CA10: variants seen among roughly 807,000 people sequenced by gnomAD.
CA10 encodes carbonic anhydrase-related protein 10.
A neutral mutation model predicts 44.2 loss-of-function variants in CA10; 14 were observed. That is an observed-to-expected ratio of 0.32 (90% CI 0.21 to 0.50). CA10 has a LOEUF of 0.50. CA10 is among the 20% of genes least tolerant of loss of function. CA10 has a pLI of 0.99. For synonymous variants in CA10, 159 were observed against 141.6 expected (o/e 1.12, Z -0.87); for missense variants, 350 against 409.7 (o/e 0.85, Z 1.26).
At chr17:51,754,799 T>G (rs979328853) in intron 3 of CA10, among the ~76,000 whole-genome samples, 4 of 152,172 alleles carry the variant, frequency 2.6e-5, no homozygotes, top group Admixed American at 6.5e-5. Context: ...CCACTACACT[T>G]ATTTTCAAAT....
intron 6 of CA10, among the ~76,000 whole-genome samples, chr17:51,644,662 C>T (rs1010552978): frequency 6.6e-6 from 1 of 152,130 alleles, no homozygotes; most frequent in African/African-American, 2.4e-5. Flanking sequence ...GCTTCATCCA[C>T]AGTCTCCCCA....
chr17:51,778,527 G>A (rs1412638832), intron 3 of CA10, among the ~76,000 whole-genome samples: 2 of 152,194 alleles, frequency 1.3e-5, no homozygotes, highest in Non-Finnish European at 2.9e-5. Flanking sequence ...TTTGCTAGTA[G>A]GTTTTGTTCC....
At chr17:51,665,634 T>C (rs1290885586) in intron 4 of CA10, among the ~76,000 whole-genome samples, 1 of 152,216 alleles carries the variant, frequency 6.6e-6, no homozygotes, top group Non-Finnish European at 1.5e-5. Context: ...AGATGGTATA[T>C]GGTATAGCCT....
intron 2 of CA10, among the ~76,000 whole-genome samples, chr17:52,071,750 A>G (rs1337280365): frequency 6.6e-6 from 1 of 152,144 alleles, no homozygotes; most frequent in East Asian, 1.9e-4. Flanking sequence ...AAGCAAGAGG[A>G]CCATAATGAG....
At chr17:51,827,254 T>C (rs1447808753) in intron 3 of CA10, among the ~76,000 whole-genome samples, 1 of 152,142 alleles carries the variant, frequency 6.6e-6, no homozygotes, top group African/African-American at 2.4e-5. Context: ...ACCACCCCCT[T>C]TTATTTTCAA....
At chr17:52,053,753 A>C (rs1354648737) in intron 2 of CA10, among the ~76,000 whole-genome samples, 1 of 152,104 alleles carries the variant, frequency 6.6e-6, no homozygotes, top group African/African-American at 2.4e-5. Context: ...AGAAGAACAT[A>C]AATTGTGAAG....
intron 2 of CA10, among the ~76,000 whole-genome samples, chr17:51,957,936 G>A (rs1373172174): frequency 6.6e-6 from 1 of 150,626 alleles, no homozygotes; most frequent in Non-Finnish European, 1.5e-5. Context: ...TCCCTCCCTT[G>A]TGTATATTCC....
intron 3 of CA10, among the ~76,000 whole-genome samples, chr17:51,871,075 T>C (rs1979786824): frequency 7.1e-6 from 1 of 141,304 alleles, no homozygotes; most frequent in African/African-American, 2.7e-5. Flanking sequence ...TTTTTTTTTT[T>C]TGAGACAGAG....
At chr17:51,845,304 ACTCT>A (rs888728114) in intron 3 of CA10, among the ~76,000 whole-genome samples, 3 of 152,132 alleles carry the variant, frequency 2.0e-5, no homozygotes, top group African/African-American at 7.2e-5. Context: ...CTCTGTGCTC[ACTCT>A]CTCTTGGATC....
intron 3 of CA10, among the ~76,000 whole-genome samples, chr17:51,910,114 G>C (rs929719699): frequency 6.6e-6 from 1 of 152,050 alleles, no homozygotes; most frequent in East Asian, 1.9e-4. Flanking sequence ...ATGAATAACA[G>C]AAGGGGAGGC....
chr17:51,977,843 A>G (rs997971070), intron 2 of CA10, among the ~76,000 whole-genome samples: 2 of 152,144 alleles, frequency 1.3e-5, no homozygotes. Flanking sequence ...ATACTGCAGA[A>G]TACAATCCAA....
At chr17:51,873,117 T>C (rs1979892373) in intron 3 of CA10, among the ~76,000 whole-genome samples, 1 of 152,226 alleles carries the variant, frequency 6.6e-6, no homozygotes, top group South Asian at 2.1e-4. Context: ...AGGGAAGTTA[T>C]TTAAGTCTCT....
chr17:52,089,618 G>T (rs866701475), intron 1 of CA10, among the ~76,000 whole-genome samples: 1 of 151,054 alleles, frequency 6.6e-6, no homozygotes, highest in Non-Finnish European at 1.5e-5. Flanking sequence ...CCCTCTATAC[G>T]TAGACACTTA....
At chr17:51,663,467 A>G (rs1720463013) in intron 4 of CA10, among the ~76,000 whole-genome samples, 2 of 152,180 alleles carry the variant, frequency 1.3e-5, no homozygotes. Context: ...TGCAACCTCA[A>G]ACTCATCCCA....
intron 3 of CA10, among the ~76,000 whole-genome samples, chr17:51,897,848 T>C (rs542083751): frequency 1.3e-5 from 2 of 152,202 alleles, no homozygotes; most frequent in South Asian, 2.1e-4. Context: ...GATCATGTTC[T>C]AGATTTGACT....
intron 3 of CA10, among the ~76,000 whole-genome samples, chr17:51,793,315 A>T (rs901616772): frequency 3.3e-5 from 5 of 152,162 alleles, no homozygotes; most frequent in African/African-American, 1.2e-4. Context: ...AACAAAAAAT[A>T]ATATGTTATG....
chr17:52,095,307 G>A (rs778561808), intron 1 of CA10, among the ~76,000 whole-genome samples: 38 of 151,982 alleles, frequency 2.5e-4, no homozygotes, highest in Non-Finnish European at 5.1e-4. Context: ...TTCCTCTATT[G>A]GGTGAGGGCG....
intron 4 of CA10, among the ~76,000 whole-genome samples, chr17:51,687,644 A>C (rs1176000333): frequency 1.3e-5 from 2 of 152,226 alleles, no homozygotes; most frequent in Non-Finnish European, 2.9e-5. Flanking sequence ...AAATGAGAAC[A>C]AAGACATCAC....
chr17:51,680,775 T>C (rs1045813147), intron 4 of CA10, among the ~76,000 whole-genome samples: 6 of 152,112 alleles, frequency 3.9e-5, no homozygotes, highest in African/African-American at 1.4e-4. Context: ...GACTCTTCTG[T>C]GGTGTAGAAT....
Sources: gnomAD v4.1 joint callset for allele counts (sites outside exome capture counted in the v4.1 genomes callset) on GRCh38, gnomAD v4.1.1 for gene constraint, MANE v1.5 for transcripts, NCBI Gene and HGNC (gene_info 2026-07-23, HGNC 2026-07-21) for gene names.